The following BAZ2B variants were observed in gnomAD, a reference collection of about 807,000 sequenced individuals.
BAZ2B encodes bromodomain adjacent to zinc finger domain protein 2B.
A neutral mutation model predicts 246.0 loss-of-function variants in BAZ2B; 91 were observed. That is an observed-to-expected ratio of 0.37 (90% CI 0.31 to 0.44). The LOEUF is 0.44. Among genes scored for constraint, BAZ2B ranks in the 20% least tolerant of loss-of-function variants. BAZ2B has a pLI of 1.00. For missense variants in BAZ2B, 2,332 were observed against 2,533.7 expected (o/e 0.92, Z 1.71); for synonymous variants, 855 against 860.0 (o/e 0.99, Z 0.10).
intron 34 of BAZ2B, among the ~76,000 whole-genome samples, chr2:159,332,074 T>C (rs1339192393): frequency 6.6e-6 from 1 of 152,168 alleles, no homozygotes; most frequent in Non-Finnish European, 1.5e-5. Flanking sequence ...AACAATTAGC[T>C]TACTGTTAAT....
intron 35 of BAZ2B, 151 bp downstream of exon 35, chr2:159,325,502 T>C (rs2063588570): frequency 1.2e-6 from 1 of 818,514 alleles, no homozygotes; most frequent in Non-Finnish European, 1.8e-6. Context: ...ACATTTACTA[T>C]ACTTTTACTT....
chr2:159,373,156 C>T lies in BAZ2B; in HGVS notation c.4102G>A (p.Ala1368Thr), dbSNP rs1323749869. Residue 1368 changes from alanine (A) to threonine (T), a missense_variant, in exon 27 of 37, where the codon GCG (alanine) becomes ACG (threonine). Ala to Thr is a moderately conservative substitution (Grantham distance 58). This residue lies in a region of BAZ2B where 676 missense variants were observed against 668.6 expected (regional missense o/e 1.01). Coordinates refer to ENST00000392783, the MANE Select transcript of BAZ2B (RefSeq NM_013450.4). ...QSQYRRKLFD[A>T]SHSLRSVMFG... ...ATCACTGAACGCAATGAGTGAGACG[C>T]ATCAAAGAGCTTCCTTCTGTACTGA... 2 of 1,613,816 alleles carry T rather than the reference C, an allele frequency of 1.2e-6. No individual in the cohort carries two copies. The highest frequency in any genetic ancestry group is 1.1e-5 in the South Asian group (1 of 91,036).
intron 1 of BAZ2B, among the ~76,000 whole-genome samples, chr2:159,594,693 G>A (rs1305332313): frequency 2.7e-5 from 4 of 150,664 alleles, no homozygotes; most frequent in Admixed American, 6.6e-5. Context: ...GTGCAGTGGC[G>A]TGATTATGGC....
At chr2:159,546,245 G>A (rs1035522565) in intron 2 of BAZ2B, among the ~76,000 whole-genome samples, 1 of 151,836 alleles carries the variant, frequency 6.6e-6, no homozygotes, top group African/African-American at 2.4e-5. Flanking sequence ...TTACGGGGGC[G>A]GGTCCTTCGT....
At chr2:159,520,372 C>T (rs1461642303) in intron 2 of BAZ2B, among the ~76,000 whole-genome samples, 1 of 152,096 alleles carries the variant, frequency 6.6e-6, no homozygotes, top group African/African-American at 2.4e-5. Flanking sequence ...GGTCTCATCA[C>T]TTTCAGGATG....
chr2:159,485,885 T>C (rs1359069703), intron 2 of BAZ2B, among the ~76,000 whole-genome samples: 1 of 152,130 alleles, frequency 6.6e-6, no homozygotes, highest in African/African-American at 2.4e-5. Context: ...GTTGTACTTC[T>C]ATCTCAAAAG....
intron 1 of BAZ2B, among the ~76,000 whole-genome samples, chr2:159,597,700 C>T (rs1191930233): frequency 1.3e-5 from 2 of 152,066 alleles, no homozygotes; most frequent in Non-Finnish European, 2.9e-5. Flanking sequence ...AGGTGATCTG[C>T]CCGCCTTGGC....
At chr2:159,378,967 C>A (rs1025025633) in intron 25 of BAZ2B, among the ~76,000 whole-genome samples, 1 of 152,078 alleles carries the variant, frequency 6.6e-6, no homozygotes, top group African/African-American at 2.4e-5. Flanking sequence ...AAGAATAGAA[C>A]TATCTGATCC....
At chr2:159,368,747 TAATATTTTTTTGCAGA>T (rs1219995973) in intron 27 of BAZ2B, among the ~76,000 whole-genome samples, 1 of 151,750 alleles carries the variant, frequency 6.6e-6, no homozygotes, top group Non-Finnish European at 1.5e-5. Flanking sequence ...TACAGCTTAT[TAATATTTTTTTGCAGA>T]AACAGAAATC....
At chr2:159,553,392 C>CAAAAAAAAAAAAAAAAAA (rs35253250) in intron 2 of BAZ2B, among the ~76,000 whole-genome samples, 13 of 73,806 alleles carry the variant, frequency 1.8e-4, no homozygotes, top group East Asian at 9.2e-4. Context: ...GACTCTGTCT[C>CAAAAAAAAAAAAAAAAAA]AAAAAAAAAA....
intron 3 of BAZ2B, chr2:159,459,970 T>C (rs1283372197): frequency 1.3e-5 from 2 of 152,090 alleles, no homozygotes; most frequent in Non-Finnish European, 2.9e-5. Context: ...CATTCAAACA[T>C]AGTTTCAATA....
intron 31 of BAZ2B, among the ~76,000 whole-genome samples, chr2:159,339,773 T>A (rs1006044135): frequency 6.6e-6 from 1 of 152,056 alleles, no homozygotes; most frequent in South Asian, 2.1e-4. Context: ...TGCAGCAAAA[T>A]GGATGGACTG....
At chr2:159,386,245 G>C in intron 22 of BAZ2B, 108 bp downstream of exon 22, 1 of 1,216,630 alleles carries the variant, frequency 8.2e-7, no homozygotes, top group Non-Finnish European at 1.1e-6. Flanking sequence ...GAGACATTAT[G>C]TGGAAAAATT....
chr2:159,636,251 C>G, the BAZ2B span, among the ~76,000 whole-genome samples: 11 of 152,228 alleles, frequency 7.2e-5, no homozygotes, highest in African/African-American at 2.4e-4. Context: ...ACTTCATATT[C>G]CTGAAAGACG....
intron 2 of BAZ2B, among the ~76,000 whole-genome samples, chr2:159,480,582 GCACACA>G (rs146050290): frequency 6.6e-6 from 1 of 150,492 alleles, no homozygotes; most frequent in African/African-American, 2.4e-5. Context: ...GTGTGCGCGT[GCACACA>G]CACACACACA....
rs1357207576 is a variant in BAZ2B at position 159,497,581 on chromosome 2, A to AT, written c.-2-18861dup. On this transcript the variant is annotated intron_variant, in intron 2 of 36. Transcript: ENST00000392783. ...GGTCTCTAAAAGATTCTATACTCTA[A>AT]TCAGATTCTTTCTGATATAAACATT... 4.8e-3 allele frequency among the ~76,000 whole-genome samples: 725 copies of AT among 152,330 alleles called. 4 individuals are homozygous for AT. The highest frequency in any genetic ancestry group is 0.017 in the African/African-American group (690 of 41,580).
downstream of BAZ2B, chr2:159,318,940 A>C (rs1374043177): frequency 6.6e-6 from 1 of 152,486 alleles, no homozygotes; most frequent in Non-Finnish European, 1.5e-5. Context: ...GCTTTTAAAA[A>C]AGAATATATT....
At chr2:159,574,750 C>A (rs1367745894) in intron 1 of BAZ2B, among the ~76,000 whole-genome samples, 1 of 152,056 alleles carries the variant, frequency 6.6e-6, no homozygotes, top group Non-Finnish European at 1.5e-5. Flanking sequence ...CTTTGGGAGG[C>A]TGAGGCAGGT....
chr2:159,492,619 C>T (rs1292447244), intron 2 of BAZ2B, among the ~76,000 whole-genome samples: 1 of 151,970 alleles, frequency 6.6e-6, no homozygotes, highest in African/African-American at 2.4e-5. Flanking sequence ...TATTTATGTG[C>T]CTTAAATTAA....
Sources: gnomAD v4.1 joint callset for allele counts (sites outside exome capture counted in the v4.1 genomes callset) on GRCh38, gnomAD v4.1.1 for gene constraint, gnomAD v4.1.1 regional missense constraint, MANE v1.5 for transcripts, NCBI Gene and HGNC (gene_info 2026-07-23, HGNC 2026-07-21) for gene names.